Variants in CPQ observed in about 807,000 individuals in gnomAD.
CPQ encodes carboxypeptidase Q, also known as Ser-Met dipeptidase.
A neutral mutation model predicts 45.7 loss-of-function variants in CPQ; 37 were observed. That is an observed-to-expected ratio of 0.81 (90% CI 0.62 to 1.07). CPQ has a LOEUF of 1.07. Among genes scored for constraint, CPQ ranks in the 50% least tolerant of loss-of-function variants. The probability of loss-of-function intolerance (pLI) is 0.00; values close to 1 mark genes in which losing one functional copy is unlikely to be tolerated. For missense variants in CPQ, 537 were observed against 572.9 expected, an observed-to-expected ratio of 0.94 and a Z score of 0.64; for synonymous variants, 186 against 205.8, an observed-to-expected ratio of 0.90 and a Z score of 0.82.
chr8:96,926,562 TC>T (rs1309832429), intron 4 of CPQ, among the ~76,000 whole-genome samples: 4 of 113,296 alleles, frequency 3.5e-5, no homozygotes, highest in Admixed American at 1.8e-4. Flanking sequence ...CTCTTCCTCT[TC>T]CTCTTCCTCT....
In CPQ at chr8:96,835,079, C is replaced by T; in HGVS notation, c.540C>T (p.Tyr180=). Residue 180 remains tyrosine, a synonymous_variant, in exon 3 of 8, where the codon TAC becomes TAT. Coordinates refer to ENST00000220763, the MANE Select transcript of CPQ (RefSeq NM_016134.4). The stretch of plus-strand genomic sequence containing the variant: ...TTTATAACCAACCTTACATCAACTA[C>T]TCAAGGACGGTGCAATACCGAACGC... ...IVVYNQPYIN[Y]SRTVQYRTQG... 2 of 1,613,232 alleles carry T rather than the reference C, an allele frequency of 1.2e-6. No individual in the cohort carries two copies. Among genetic ancestry groups the T allele is most frequent in the East Asian group, 2.2e-5 (1 of 44,792 alleles).
chr8:96,778,005 G>T (rs1810639001), intron 1 of CPQ, among the ~76,000 whole-genome samples: 1 of 150,950 alleles, frequency 6.6e-6, no homozygotes, highest in Non-Finnish European at 1.5e-5. Context: ...TGGGATTACA[G>T]GAGTGAGCCA....
At chr8:96,661,485 T>A (rs1007131738) in intron 1 of CPQ, among the ~76,000 whole-genome samples, 1 of 152,206 alleles carries the variant, frequency 6.6e-6, no homozygotes, top group African/African-American at 2.4e-5. Context: ...TGATCTTTTC[T>A]CTGTGTTCGT....
intron 1 of CPQ, among the ~76,000 whole-genome samples, chr8:96,772,205 G>C (rs778541160): frequency 9.2e-5 from 14 of 152,132 alleles, no homozygotes; most frequent in Admixed American, 2.6e-4. Context: ...GTTGAAGAAA[G>C]ATAACTGAAA....
At chr8:96,742,968 C>G (rs1222160750) in intron 1 of CPQ, among the ~76,000 whole-genome samples, 1 of 152,090 alleles carries the variant, frequency 6.6e-6, no homozygotes, top group Admixed American at 6.6e-5. Context: ...TGTTGCTCTT[C>G]TCGAGGAGTA....
chr8:97,071,748 C>G (rs1810747409), intron 7 of CPQ, among the ~76,000 whole-genome samples: 1 of 152,110 alleles, frequency 6.6e-6, no homozygotes, highest in African/African-American at 2.4e-5. Flanking sequence ...AACAGAAGAC[C>G]CAGTCAGAAT....
intron 5 of CPQ, among the ~76,000 whole-genome samples, chr8:96,976,080 G>A (rs980851679): frequency 9.2e-5 from 14 of 151,784 alleles, no homozygotes; most frequent in Admixed American, 5.3e-4. Flanking sequence ...GATTGTATAT[G>A]TAGAAAACCC....
chr8:97,097,157 C>A (rs1263926092), intron 7 of CPQ, among the ~76,000 whole-genome samples: 1 of 152,166 alleles, frequency 6.6e-6, no homozygotes, highest in African/African-American at 2.4e-5. Flanking sequence ...ATTGCAGATA[C>A]TTTTATTCAA....
intron 7 of CPQ, among the ~76,000 whole-genome samples, chr8:97,135,731 A>G (rs1009478547): frequency 1.3e-5 from 2 of 152,206 alleles, no homozygotes; most frequent in African/African-American, 4.8e-5. Context: ...AGATGTGTTT[A>G]TAAAAGGAGA....
intron 4 of CPQ, among the ~76,000 whole-genome samples, chr8:96,944,002 G>C (rs1474162848): frequency 1.3e-5 from 2 of 152,070 alleles, no homozygotes; most frequent in African/African-American, 4.8e-5. Context: ...TCTCTGGCAT[G>C]GTCAAGAAGT....
chr8:97,050,252 G>A (rs994514566), intron 6 of CPQ, among the ~76,000 whole-genome samples: 21 of 152,084 alleles, frequency 1.4e-4, no homozygotes, highest in African/African-American at 5.1e-4. Context: ...AATAATTATG[G>A]ACTGTAATTT....
At chr8:96,961,629 T>C (rs569467651) in intron 4 of CPQ, among the ~76,000 whole-genome samples, 26 of 152,320 alleles carry the variant, frequency 1.7e-4, no homozygotes, top group Non-Finnish European at 5.9e-5. Context: ...TATAAAGATA[T>C]TTTTCTCTGT....
intron 3 of CPQ, among the ~76,000 whole-genome samples, chr8:96,842,459 A>G (rs1811625195): frequency 6.6e-6 from 1 of 152,206 alleles, no homozygotes; most frequent in African/African-American, 2.4e-5. Flanking sequence ...CTCACTCTGA[A>G]GCTCATAACA....
rs149443854 is a variant in CPQ at position 96,774,197 on chromosome 8, G to A, written c.-34-10667G>A. Among the ~76,000 whole-genome samples the A allele has an allele frequency of 6.6e-5, 10 of 152,142 alleles. No individual in the cohort carries two copies. The East Asian group carries it at 1.9e-3, about 29-fold the overall frequency. On this transcript the variant is annotated intron_variant, in intron 1 of 7. Coordinates refer to ENST00000220763, the MANE Select transcript of CPQ (RefSeq NM_016134.4). ...GAGACAGGGGAATTGCTTGAACCCA[G>A]GAGGCAGAGATTGCAGTGACCCAAG...
chr8:97,013,603 T>C (rs1274765993), intron 5 of CPQ, among the ~76,000 whole-genome samples: 1 of 151,930 alleles, frequency 6.6e-6, no homozygotes, highest in East Asian at 1.9e-4. Flanking sequence ...GAGATATGCA[T>C]AAGTTGAGAG....
At chr8:96,812,530 G>C (rs916781721) in intron 2 of CPQ, among the ~76,000 whole-genome samples, 1 of 152,116 alleles carries the variant, frequency 6.6e-6, no homozygotes, top group Non-Finnish European at 1.5e-5. Flanking sequence ...CAAAATATTA[G>C]TATGACTGGG....
At chr8:96,768,502 G>A (rs1258831483) in intron 1 of CPQ, among the ~76,000 whole-genome samples, 1 of 152,202 alleles carries the variant, frequency 6.6e-6, no homozygotes, top group Non-Finnish European at 1.5e-5. Flanking sequence ...TAATGGTGCT[G>A]TGTGGCAGCC....
intron 3 of CPQ, among the ~76,000 whole-genome samples, chr8:96,848,550 TA>T (rs958535333): frequency 4.6e-5 from 7 of 152,222 alleles, no homozygotes; most frequent in Admixed American, 2.6e-4. Context: ...TTGTAGTTTC[TA>T]AAACAAGAAT....
chr8:96,925,673 G>A (rs1167115882), intron 4 of CPQ, among the ~76,000 whole-genome samples: 8 of 150,536 alleles, frequency 5.3e-5, no homozygotes, highest in Non-Finnish European at 8.9e-5. Context: ...ATGAGCCACC[G>A]TGCCTGGCAA....
Sources: allele counts gnomAD v4.1 joint callset (sites outside exome capture counted in the v4.1 genomes callset), GRCh38; gene constraint gnomAD v4.1.1; transcripts MANE v1.5; gene names NCBI Gene and HGNC (gene_info 2026-07-23, HGNC 2026-07-21).